Variants in MSH3 observed in about 807,000 individuals in gnomAD.
The protein encoded by MSH3 is DNA mismatch repair protein Msh3.
A neutral mutation model predicts 123.3 loss-of-function variants in MSH3; 106 were observed. The ratio of observed to expected loss-of-function variants is 0.86; its 90% CI spans 0.73 to 1.01. MSH3 has a LOEUF of 1.01. Among genes scored for constraint, MSH3 ranks in the 50% least tolerant of loss-of-function variants. The pLI is 0.00. For missense variants in MSH3, 1,459 were observed against 1,347.6 expected (o/e 1.08, Z -1.29); for synonymous variants, 515 against 481.4 (o/e 1.07, Z -0.91).
At position 80,656,499 on chromosome 5, in the gene MSH3, G is replaced by A. The variant is rs1344759224; in HGVS notation, c.326G>A (p.Gly109Glu). ...KKVKKVQQKE[G>E]GSDLGMSGNS... ...GTAAAGAAAGTCCAACAAAAGGAAG[G>A]AGGAAGTGATCTGGGAATGTCTGGC... Residue 109 changes from glycine to glutamate, a missense_variant, in exon 2 of 24, where the codon GGA becomes GAA. Gly to Glu is a moderately conservative substitution (Grantham distance 98). Coordinates refer to ENST00000265081, the MANE Select transcript of MSH3 (RefSeq NM_002439.5). 6.2e-7 allele frequency: 1 copy of A among 1,614,108 alleles called. No individual in the cohort carries two copies. The highest frequency in any genetic ancestry group is 1.3e-5 in the African/African-American group (1 of 74,950).
rs6151666 is a variant in MSH3, at chr5:80,678,802, T to C, written c.1174-125T>C. ...AAAAGCAGACAGGTTTCTAACACTT[T>C]AGAAATAGAGTACATACATACTCCT... On this transcript the variant is annotated intron_variant, in intron 7 of 23. Transcript: ENST00000265081. 1.3e-3 allele frequency: 1,327 copies of C among 1,045,080 alleles called. 13 individuals are homozygous for C. The African/African-American group carries it at 0.018, about 14-fold the overall frequency. 64.7% of individuals were successfully genotyped at this position (1,045,080 alleles called of 1,614,324 possible).
intron 20 of MSH3, among the ~76,000 whole-genome samples, chr5:80,848,348 T>G (rs1490063804): frequency 1.3e-5 from 2 of 152,050 alleles, no homozygotes; most frequent in African/African-American, 4.8e-5. Context: ...GTTCTCCAGT[T>G]GTTTATTTCT....
At chr5:80,658,537 C>T (rs958260565) in intron 2 of MSH3, among the ~76,000 whole-genome samples, 6 of 152,176 alleles carry the variant, frequency 3.9e-5, no homozygotes, top group Admixed American at 3.9e-4. Context: ...AAAAATGGCA[C>T]TAAGGAAGAA....
Position 80,815,373 on chromosome 5 carries a change from G to GA in MSH3, c.2813+1642dup, listed in dbSNP as rs541224958. On this transcript the variant is annotated intron_variant, in intron 20 of 23. Coordinates refer to ENST00000265081, the MANE Select transcript of MSH3 (RefSeq NM_002439.5). ...GAAAGTAGCAGAGATATTTAGTAAA[G>GA]AAAAAAAAAAGAGAAAAAAGAAAAA... Among the ~76,000 whole-genome samples the GA allele has an allele frequency of 5.0e-3, 692 of 139,546 alleles. 4 individuals carry two copies. The highest frequency in any genetic ancestry group is 0.011 in the Middle Eastern group (3 of 280). The allele number at this position is 139,546 out of a possible 152,430, so 91.5% of individuals were successfully genotyped here. A position where few individuals can be genotyped will look rare whatever the true frequency, so the allele number is the denominator to read the frequency against.
chr5:80,732,381 A>C (rs963241910), intron 10 of MSH3, among the ~76,000 whole-genome samples: 1 of 152,110 alleles, frequency 6.6e-6, no homozygotes, highest in Non-Finnish European at 1.5e-5. Flanking sequence ...TTTTTAAAAG[A>C]AAACTTCTTA....
chr5:80,655,847 A>G (rs531672686), intron 1 of MSH3, among the ~76,000 whole-genome samples: 3 of 152,080 alleles, frequency 2.0e-5, no homozygotes, highest in Non-Finnish European at 4.4e-5. Flanking sequence ...ATTCACCAAA[A>G]TTTTGCACCC....
intron 10 of MSH3, among the ~76,000 whole-genome samples, chr5:80,740,427 G>T: frequency 6.8e-6 from 1 of 147,868 alleles, no homozygotes; most frequent in Non-Finnish European, 1.5e-5. Flanking sequence ...GCACAATCTT[G>T]GCTCACTGCA....
rs148538189 is a variant in MSH3, at chr5:80,771,986, G to A, written c.2253+2983G>A. ...GTAATGAACGTATGTATGAATGTTT[G>A]TGTGTATGTATGAAAGTATGTATGT... On this transcript the variant is annotated intron_variant, in intron 15 of 23. Transcript: ENST00000265081. 9.4e-3 allele frequency among the ~76,000 whole-genome samples: 1,435 copies of A among 152,240 alleles called. 20 individuals carry two copies. Among genetic ancestry groups the A allele is most frequent in the African/African-American group, 0.032 (1,325 of 41,528 alleles).
At chr5:80,824,261 G>GT (rs1408066213) in intron 20 of MSH3, among the ~76,000 whole-genome samples, 3 of 152,006 alleles carry the variant, frequency 2.0e-5, no homozygotes, top group Non-Finnish European at 2.9e-5. Flanking sequence ...TCACTTCCCA[G>GT]AGGGGCGGCC....
At chr5:80,759,297 A>G (rs989786412) in intron 12 of MSH3, among the ~76,000 whole-genome samples, 1 of 152,204 alleles carries the variant, frequency 6.6e-6, no homozygotes, top group African/African-American at 2.4e-5. Flanking sequence ...ATGGGAAATG[A>G]TAGTAAAGGG....
intron 13 of MSH3, 35 bp from the exon 14 acceptor site, chr5:80,767,898 T>C: frequency 1.3e-6 from 2 of 1,490,662 alleles, no homozygotes; most frequent in Non-Finnish European, 1.9e-6. Context: ...TTCATGTATC[T>C]TATGCTATTT....
chr5:80,864,847 C>T lies in MSH3; in HGVS notation c.3035C>T (p.Pro1012Leu), dbSNP rs371367632. The T allele has an allele frequency of 8.7e-6, 14 of 1,612,574 alleles. 1 individual carries two copies. In the African/African-American group the frequency reaches 9.4e-5, roughly 11 times the overall value. ...KSLTLFVTHY[P>L]PVCELEKNYS... is the part of the protein sequence containing the mutation. ...TTAACCCTGTTTGTCACCCATTATC[C>T]GCCAGTTTGTGAACTAGAAAAAAAT... The change falls in exon 22 of 24, where the codon CCG becomes CTG. Residue 1012 changes from proline (P) to leucine (L), a missense_variant. Pro to Leu is a moderately conservative substitution (Grantham distance 98). Coordinates refer to ENST00000265081, the MANE Select transcript of MSH3 (RefSeq NM_002439.5).
chr5:80,833,536 G>A (rs1030581626), intron 20 of MSH3, among the ~76,000 whole-genome samples: 33 of 152,116 alleles, frequency 2.2e-4, no homozygotes, highest in African/African-American at 6.8e-4. Context: ...TCCACCTCCC[G>A]GGTTCAAGTG....
chr5:80,719,456 C>G (rs945795224), intron 8 of MSH3, among the ~76,000 whole-genome samples: 3 of 152,140 alleles, frequency 2.0e-5, no homozygotes, highest in Admixed American at 1.3e-4. Flanking sequence ...AAATTCAGGG[C>G]TAAAGAGTTT....
rs115970477 is a variant in MSH3, at chr5:80,707,348, C to G, written c.1341-18105C>G. On this transcript the variant is annotated intron_variant, in intron 8 of 23. Coordinates refer to ENST00000265081, the MANE Select transcript of MSH3 (RefSeq NM_002439.5). ...ACTAACATTTGTGTACTAGTCTTCT[C>G]ACAGATCTATATTTTCATTTTCTTC... 6.7e-3 allele frequency among the ~76,000 whole-genome samples: 1,023 copies of G among 152,318 alleles called. 10 individuals are homozygous for G. Among genetic ancestry groups the G allele is most frequent in the African/African-American group, 0.023 (968 of 41,564 alleles).
At chr5:80,767,808 T>A (rs1744147539) in intron 13 of MSH3, 125 bp from the exon 14 acceptor site, 2 of 691,124 alleles carry the variant, frequency 2.9e-6, no homozygotes, top group African/African-American at 3.6e-5. Flanking sequence ...ATATTTTATT[T>A]CAACTAACTA....
At chr5:80,728,106 A>T (rs1743337027) in intron 9 of MSH3, among the ~76,000 whole-genome samples, 1 of 152,196 alleles carries the variant, frequency 6.6e-6, no homozygotes, top group Admixed American at 6.5e-5. Flanking sequence ...CAGGCAGTAT[A>T]GGGTCACTTT....
chr5:80,662,027 A>G lies in MSH3; in HGVS notation c.359-3116A>G, dbSNP rs149023134. ...TAGACATTAGTAACATTAAGAATGT[A>G]AACACAGCCATATGCTACCTAATGA... On this transcript the variant is annotated intron_variant, in intron 2 of 23. Transcript: ENST00000265081. Among the ~76,000 whole-genome samples, 582 of 152,312 alleles carry G rather than the reference A, an allele frequency of 3.8e-3. 4 individuals are homozygous for G. The highest frequency in any genetic ancestry group is 0.013 in the African/African-American group (544 of 41,560).
intron 2 of MSH3, among the ~76,000 whole-genome samples, chr5:80,659,633 A>T (rs975651302): frequency 6.6e-6 from 1 of 152,160 alleles, no homozygotes; most frequent in Non-Finnish European, 1.5e-5. Flanking sequence ...AAATATACAT[A>T]ACATAAAATT....
Sources: allele counts gnomAD v4.1 joint callset (sites outside exome capture counted in the v4.1 genomes callset), GRCh38; gene constraint gnomAD v4.1.1; transcripts MANE v1.5; gene names NCBI Gene and HGNC (gene_info 2026-07-23, HGNC 2026-07-21).